The following TCERG1L variants were observed in gnomAD, a reference collection of about 807,000 sequenced individuals.
TCERG1L encodes transcription elongation regulator 1 like.
A neutral mutation model predicts 56.3 loss-of-function variants in TCERG1L; 37 were observed. The observed-to-expected ratio is 0.66, with a 90% CI of 0.51 to 0.87. The LOEUF (loss-of-function observed/expected upper bound fraction) is 0.87, where lower values mean the gene tolerates loss of function less well. Ranked by LOEUF, TCERG1L falls within the 40% of genes least tolerant of loss-of-function variation. The pLI is 0.00. For missense variants in TCERG1L, 799 were observed against 774.2 expected (o/e 1.03, Z -0.38); for synonymous variants, 324 against 326.3 (o/e 0.99, Z 0.08).
intron 4 of TCERG1L, among the ~76,000 whole-genome samples, chr10:131,189,463 C>G (rs1270844012): frequency 6.6e-6 from 1 of 152,198 alleles, no homozygotes; most frequent in Non-Finnish European, 1.5e-5. Flanking sequence ...TTTTACTTAA[C>G]TTGATGACCT....
intron 4 of TCERG1L, among the ~76,000 whole-genome samples, chr10:131,233,955 T>C (rs1845880807): frequency 6.6e-6 from 1 of 152,194 alleles, no homozygotes; most frequent in Non-Finnish European, 1.5e-5. Flanking sequence ...AGTGGCTTGT[T>C]ATAAAGTCAG....
chr10:131,224,850 AAC>A (rs1436135856), intron 4 of TCERG1L, among the ~76,000 whole-genome samples: 4 of 152,162 alleles, frequency 2.6e-5, no homozygotes, highest in African/African-American at 9.7e-5. Context: ...TTTTGATGAA[AAC>A]ACACTTTATA....
In TCERG1L at chr10:131,116,939, A is replaced by C. The variant is rs2298193; in HGVS notation, c.1260-5T>G. 6.2e-6 allele frequency: 10 copies of C among 1,605,742 alleles called. No homozygotes were observed. The East Asian group carries it at 9.0e-5, about 14-fold the overall frequency. On this transcript the variant is annotated splice_region_variant and splice_polypyrimidine_tract_variant and intron_variant, in intron 8 of 11. Transcript: ENST00000368642. ...GGACTCCCGCAGCCTTCGGTCCTTC[A>C]GGAACACAAGACGCAGAGTTAGACA...
chr10:131,239,745 C>T (rs1372938638), intron 4 of TCERG1L, among the ~76,000 whole-genome samples: 1 of 152,272 alleles, frequency 6.6e-6, no homozygotes, highest in South Asian at 2.1e-4. Flanking sequence ...ACTTGGCCTT[C>T]GGCTCAGGCT....
intron 11 of TCERG1L, 137 bp from the exon 12 acceptor site, chr10:131,093,455 G>A: frequency 1.9e-6 from 2 of 1,037,086 alleles, no homozygotes; most frequent in Non-Finnish European, 2.8e-6. Context: ...CACCCGGTGG[G>A]TGAGCGGCTC....
chr10:131,271,068 C>T (rs1423070150), intron 3 of TCERG1L, among the ~76,000 whole-genome samples: 1 of 152,328 alleles, frequency 6.6e-6, no homozygotes, highest in African/African-American at 2.4e-5. Flanking sequence ...CCCCACTGGC[C>T]TCAGCAATAC....
chr10:131,161,700 C>G (rs752922832), intron 6 of TCERG1L: 1 of 152,162 alleles, frequency 6.6e-6, no homozygotes, highest in Non-Finnish European at 1.5e-5. Context: ...ACTGGAGGGC[C>G]GTCACTTTCA....
intron 3 of TCERG1L, among the ~76,000 whole-genome samples, chr10:131,279,175 G>A (rs908783787): frequency 6.6e-6 from 1 of 152,104 alleles, no homozygotes; most frequent in African/African-American, 2.4e-5. Flanking sequence ...GGAAGGCCCC[G>A]ATACAGTGCC....
chr10:131,285,112 T>C lies in TCERG1L; in HGVS notation c.670+23099A>G, dbSNP rs538631400. 2.3e-4 allele frequency among the ~76,000 whole-genome samples: 35 copies of C among 152,142 alleles called. 1 individual carries two copies. The highest frequency in any genetic ancestry group is 3.7e-4 in the Non-Finnish European group (25 of 68,018). On this transcript the variant is annotated intron_variant, in intron 3 of 11. Coordinates refer to ENST00000368642, the MANE Select transcript of TCERG1L (RefSeq NM_174937.4). ...AAATGAAGCAGCCAGTCGCAGTGGC[T>C]CACACCTTTAATCCCAGGAATGTGG...
In TCERG1L at chr10:131,093,030, C is replaced by A. The variant is rs1376382018; in HGVS notation, c.*132G>T. 3.7e-6 allele frequency: 3 copies of A among 818,694 alleles called. No individual in the cohort carries two copies. In the East Asian group the frequency reaches 7.8e-5, roughly 21 times the overall value. The allele number at this position is 818,694 out of a possible 1,614,324, so 50.7% of individuals were successfully genotyped here. A position where few individuals can be genotyped will look rare whatever the true frequency, so the allele number is the denominator to read the frequency against. On this transcript the variant is annotated 3_prime_UTR_variant, in exon 12 of 12. Coordinates refer to ENST00000368642, the MANE Select transcript of TCERG1L (RefSeq NM_174937.4). ...AACAGTAATCCTCTGAGAACGAAGA[C>A]CCCGCAGTGCCGGTGCCCGCTGGGC...
At chr10:131,204,150 G>A (rs1845489698) in intron 4 of TCERG1L, among the ~76,000 whole-genome samples, 1 of 152,250 alleles carries the variant, frequency 6.6e-6, no homozygotes, top group East Asian at 1.9e-4. Context: ...CATCTTGGAA[G>A]CCTGGTGGCT....
intron 4 of TCERG1L, among the ~76,000 whole-genome samples, chr10:131,204,605 C>G (rs1247004038): frequency 2.0e-5 from 3 of 152,240 alleles, no homozygotes; most frequent in Non-Finnish European, 4.4e-5. Flanking sequence ...GGGCACGGAG[C>G]CAGCTCAGAT....
At chr10:131,141,612 C>A (rs886829971) in intron 7 of TCERG1L, among the ~76,000 whole-genome samples, 4 of 151,904 alleles carry the variant, frequency 2.6e-5, no homozygotes, top group Non-Finnish European at 5.9e-5. Flanking sequence ...TTCCCTTGCT[C>A]CCTCCCTTCT....
intron 7 of TCERG1L, among the ~76,000 whole-genome samples, chr10:131,135,902 G>A (rs1359047271): frequency 1.3e-5 from 2 of 152,216 alleles, no homozygotes; most frequent in Non-Finnish European, 2.9e-5. Flanking sequence ...AAGGGCGGAG[G>A]AGCCACAGCC....
intron 8 of TCERG1L, among the ~76,000 whole-genome samples, chr10:131,117,200 T>A (rs1030107552): frequency 2.4e-4 from 36 of 152,050 alleles, no homozygotes; most frequent in African/African-American, 8.7e-4. Flanking sequence ...CAAGTGCAGG[T>A]GGAAACATAC....
At chr10:131,141,107 C>A (rs1301785511) in intron 7 of TCERG1L, among the ~76,000 whole-genome samples, 2 of 152,178 alleles carry the variant, frequency 1.3e-5, no homozygotes, top group East Asian at 3.9e-4. Context: ...CTTTGCTAGG[C>A]CTGGGCTCCC....
At chr10:131,105,710 C>T (rs112704679) in intron 9 of TCERG1L, among the ~76,000 whole-genome samples, 11 of 151,230 alleles carry the variant, frequency 7.3e-5, no homozygotes, top group African/African-American at 2.4e-4. Context: ...GGAAATGTTC[C>T]GGAGGGGGGT....
chr10:131,288,896 A>C (rs942303284), intron 3 of TCERG1L, among the ~76,000 whole-genome samples: 1 of 152,182 alleles, frequency 6.6e-6, no homozygotes, highest in Non-Finnish European at 1.5e-5. Context: ...CCTGGGACTC[A>C]GACATTTCCA....
intron 4 of TCERG1L, among the ~76,000 whole-genome samples, chr10:131,185,974 TG>T (rs1297807570): frequency 6.6e-6 from 1 of 152,262 alleles, no homozygotes; most frequent in Non-Finnish European, 1.5e-5. Flanking sequence ...CATCAATGGA[TG>T]GGTGAATAAG....
Sources: gnomAD v4.1 joint callset for allele counts (sites outside exome capture counted in the v4.1 genomes callset) on GRCh38, gnomAD v4.1.1 for gene constraint, MANE v1.5 for transcripts, NCBI Gene and HGNC (gene_info 2026-07-23, HGNC 2026-07-21) for gene names.